Variants in PTPRD observed in about 807,000 individuals in gnomAD.
PTPRD encodes the protein protein tyrosine phosphatase receptor type D.
PTPRD carries 34 observed loss-of-function variants against 214.5 expected under a neutral mutation model. The observed-to-expected ratio is 0.16, with a 90% confidence interval of 0.12 to 0.21. The LOEUF (loss-of-function observed/expected upper bound fraction) is 0.21. Ranked by LOEUF, PTPRD falls within the 10% of genes least tolerant of loss-of-function variation. PTPRD has a pLI of 1.00. For synonymous variants in PTPRD, 1,128 were observed against 845.7 expected, an observed-to-expected ratio of 1.33 and a Z score of -5.79; for missense variants, 2,545 against 2,398.7, an observed-to-expected ratio of 1.06 and a Z score of -1.27.
At chr9:9,385,850 G>A (rs1421246390) in intron 9 of PTPRD, among the ~76,000 whole-genome samples, 3 of 152,144 alleles carry the variant, frequency 2.0e-5, no homozygotes, top group Non-Finnish European at 4.4e-5. Context: ...ATACATAGAA[G>A]GTAAATGTTA....
At chr9:10,428,741 T>C (rs960504560) in intron 2 of PTPRD, among the ~76,000 whole-genome samples, 1 of 152,086 alleles carries the variant, frequency 6.6e-6, no homozygotes, top group African/African-American at 2.4e-5. Context: ...ATTTGGTCCA[T>C]GGTCTAAACT....
At position 8,638,103 on chromosome 9, in the gene PTPRD, C is replaced by CTTTTT. The variant is rs963311950; in HGVS notation, c.65-1264_65-1260dup. On this transcript the variant is annotated intron_variant, in intron 12 of 45. Transcript: ENST00000381196. ...GCCCCAAAACATTTTGCTGTTCCTT[C>CTTTTT]TTTTTTTTTTTTTTTTTTAATTTCT... is the stretch of plus-strand genomic sequence containing the variant. 7.3e-3 allele frequency among the ~76,000 whole-genome samples: 924 copies of CTTTTT among 126,968 alleles called. 9 individuals are homozygous for CTTTTT. The highest frequency in any genetic ancestry group is 0.025 in the African/African-American group (875 of 34,404). The allele number at this position is 126,968 out of a possible 152,430, so 83.3% of individuals were successfully genotyped here. A position where few individuals can be genotyped will look rare whatever the true frequency, so the allele number is the denominator to read the frequency against.
intron 11 of PTPRD, among the ~76,000 whole-genome samples, chr9:8,847,872 T>C (rs1392459704): frequency 6.6e-6 from 1 of 152,162 alleles, no homozygotes; most frequent in Non-Finnish European, 1.5e-5. Flanking sequence ...TAAAATGGTA[T>C]AGGGCAGGCT....
At chr9:10,367,931 A>G (rs2097543822) in intron 2 of PTPRD, among the ~76,000 whole-genome samples, 1 of 152,008 alleles carries the variant, frequency 6.6e-6, no homozygotes, top group Admixed American at 6.6e-5. Flanking sequence ...GAGACAAAAT[A>G]TATCAGCACA....
chr9:9,516,148 T>C (rs942086771), intron 8 of PTPRD, among the ~76,000 whole-genome samples: 4 of 152,280 alleles, frequency 2.6e-5, no homozygotes, highest in African/African-American at 9.6e-5. Flanking sequence ...TCTGTCTTCT[T>C]GTACCACTGG....
chr9:9,099,027 A>C (rs2099787638), intron 10 of PTPRD, among the ~76,000 whole-genome samples: 1 of 152,236 alleles, frequency 6.6e-6, no homozygotes, highest in South Asian at 2.1e-4. Context: ...TAATTCTTGG[A>C]AACACAATAT....
chr9:9,164,254 T>G (rs1456145779), intron 10 of PTPRD, among the ~76,000 whole-genome samples: 1 of 152,168 alleles, frequency 6.6e-6, no homozygotes, highest in East Asian at 1.9e-4. Context: ...CTACCTGTAT[T>G]CTTTGGCTTG....
chr9:9,656,931 A>G (rs902899535), intron 7 of PTPRD, among the ~76,000 whole-genome samples: 1 of 152,114 alleles, frequency 6.6e-6, no homozygotes, highest in Non-Finnish European at 1.5e-5. Context: ...TGAACCTACA[A>G]CTGCTCTAAA....
At chr9:8,545,770 T>G (rs1305209268) in intron 14 of PTPRD, among the ~76,000 whole-genome samples, 1 of 152,246 alleles carries the variant, frequency 6.6e-6, no homozygotes, top group Non-Finnish European at 1.5e-5. Flanking sequence ...TTAAGTTGAA[T>G]GAATGACATG....
intron 10 of PTPRD, among the ~76,000 whole-genome samples, chr9:9,157,765 T>C (rs2099882528): frequency 6.6e-6 from 1 of 152,204 alleles, no homozygotes; most frequent in African/African-American, 2.4e-5. Context: ...ATGTGCAGGT[T>C]TGTTACGTAG....
At chr9:10,396,041 C>T (rs771037011) in intron 2 of PTPRD, among the ~76,000 whole-genome samples, 6 of 151,418 alleles carry the variant, frequency 4.0e-5, no homozygotes, top group Admixed American at 3.3e-4. Context: ...TTTCCTGGTG[C>T]CTTTAGAACG....
chr9:8,574,584 C>G (rs988197591), intron 14 of PTPRD, among the ~76,000 whole-genome samples: 3 of 151,962 alleles, frequency 2.0e-5, no homozygotes, highest in African/African-American at 7.2e-5. Flanking sequence ...GTACATATAG[C>G]AAAATAAAGG....
intron 8 of PTPRD, among the ~76,000 whole-genome samples, chr9:9,434,233 T>C (rs2084306828): frequency 6.6e-6 from 1 of 152,164 alleles, no homozygotes; most frequent in Non-Finnish European, 1.5e-5. Flanking sequence ...CTGAGCTTCT[T>C]CACTAGAGAA....
At chr9:10,323,329 G>C (rs1426774968) in intron 3 of PTPRD, among the ~76,000 whole-genome samples, 3 of 138,396 alleles carry the variant, frequency 2.2e-5, no homozygotes, top group African/African-American at 8.1e-5. Context: ...TTTCAGATGG[G>C]GTCTCACTCC....
intron 11 of PTPRD, among the ~76,000 whole-genome samples, chr9:8,929,933 A>ATATATATGTGTGTGTATATATATGTG (rs1567065887): frequency 9.0e-5 from 10 of 111,050 alleles, no homozygotes; most frequent in East Asian, 4.7e-4. Context: ...ATATATGTGT[A>ATATATATGTGTGTGTATATATATGTG]TATATATATG....
At chr9:9,980,471 A>C (rs1468611183) in intron 4 of PTPRD, among the ~76,000 whole-genome samples, 1 of 151,466 alleles carries the variant, frequency 6.6e-6, no homozygotes, top group Non-Finnish European at 1.5e-5. Flanking sequence ...AGCCGGGCAT[A>C]GTGGTACATG....
At chr9:9,236,081 T>C (rs1037979243) in intron 9 of PTPRD, among the ~76,000 whole-genome samples, 4 of 151,944 alleles carry the variant, frequency 2.6e-5, no homozygotes, top group African/African-American at 4.8e-5. Context: ...CTGGCCAACA[T>C]GGTGAAACCC....
intron 11 of PTPRD, among the ~76,000 whole-genome samples, chr9:8,787,959 T>C (rs1047990254): frequency 6.6e-6 from 1 of 152,220 alleles, no homozygotes; most frequent in Admixed American, 6.5e-5. Flanking sequence ...GTTATTTACA[T>C]TTAAAAGGTG....
chr9:10,496,485 A>G (rs10117395), intron 2 of PTPRD, among the ~76,000 whole-genome samples: 2,548 of 152,122 alleles, frequency 0.017, 61 homozygotes, highest in African/African-American at 0.058. Context: ...CATTTGCAAC[A>G]TTAATATTTT....
Sources: allele counts gnomAD v4.1 joint callset (sites outside exome capture counted in the v4.1 genomes callset), GRCh38; gene constraint gnomAD v4.1.1; transcripts MANE v1.5; gene names NCBI Gene and HGNC (gene_info 2026-07-23, HGNC 2026-07-21).